ADAMTS2: variants seen among roughly 807,000 people sequenced by gnomAD.
ADAMTS2 encodes ADAM metallopeptidase with thrombospondin type 1 motif 2.
Under a neutral mutation model 123.0 loss-of-function variants are expected in ADAMTS2, and 50 were observed. That is an observed-to-expected ratio of 0.41 (90% CI 0.32 to 0.51). ADAMTS2 has a LOEUF of 0.51. ADAMTS2 is among the 20% of genes least tolerant of loss of function. ADAMTS2 has a pLI of 0.35. For missense variants in ADAMTS2, 1,494 were observed against 1,705.2 expected (o/e 0.88, Z 2.18); for synonymous variants, 678 against 695.4 (o/e 0.98, Z 0.39).
intron 4 of ADAMTS2, among the ~76,000 whole-genome samples, chr5:179,192,959 G>A (rs866439182): frequency 6.6e-6 from 1 of 152,174 alleles, no homozygotes; most frequent in Non-Finnish European, 1.5e-5. Flanking sequence ...TCAGCCGCAC[G>A]CGCCTTCTCC....
rs182049406 is a variant in ADAMTS2, at chr5:179,269,151, A to C, written c.688+3760T>G. On this transcript the variant is annotated intron_variant, in intron 3 of 21. Transcript: ENST00000251582. ...ATTGGCATGATGCAGCCACAAGCCA[A>C]GGGAGGCTGGCAGCCCCCAGGAGCG... Among the ~76,000 whole-genome samples, 16 of 152,296 alleles carry C rather than the reference A, an allele frequency of 1.1e-4. 1 individual carries two copies. Among genetic ancestry groups the C allele is most frequent in the Admixed American group, 9.8e-4 (15 of 15,298 alleles).
chr5:179,261,254 G>A (rs532456151), intron 3 of ADAMTS2, among the ~76,000 whole-genome samples: 54 of 152,162 alleles, frequency 3.5e-4, no homozygotes, highest in Non-Finnish European at 6.6e-4. Flanking sequence ...ACTCATCCTC[G>A]CCAGTAACCA....
intron 2 of ADAMTS2, among the ~76,000 whole-genome samples, chr5:179,322,502 G>A (rs1757214213): frequency 6.6e-6 from 1 of 152,170 alleles, no homozygotes; most frequent in Non-Finnish European, 1.5e-5. Flanking sequence ...AGCCACGCTG[G>A]GTCCTCCCGC....
Position 179,118,508 on chromosome 5 carries a change from T to C in ADAMTS2, c.3178+3153A>G, listed in dbSNP as rs569938968. ...ATAAACTTAAGTCACTGTAGGCTAC[T>C]CCCACGATCTTGGCTACACCTGAAC... On this transcript the variant is annotated intron_variant, in intron 21 of 21. Coordinates refer to ENST00000251582, the MANE Select transcript of ADAMTS2 (RefSeq NM_014244.5). The surrounding 1 kb of genome is among the most constrained non-coding windows in gnomAD (Gnocchi z 4.5). 6.6e-6 allele frequency among the ~76,000 whole-genome samples: 1 copy of C among 152,306 alleles called. No homozygotes were observed. The highest frequency in any genetic ancestry group is 1.5e-5 in the Non-Finnish European group (1 of 68,018).
At position 179,117,782 on chromosome 5, in the gene ADAMTS2, C is replaced by T. The variant is rs1762688715; in HGVS notation, c.3179-3458G>A. 6.6e-6 allele frequency among the ~76,000 whole-genome samples: 1 copy of T among 152,070 alleles called. No individual in the cohort carries two copies. Among genetic ancestry groups the T allele is most frequent in the Admixed American group, 6.5e-5 (1 of 15,268 alleles). On this transcript the variant is annotated intron_variant, in intron 21 of 21. Transcript: ENST00000251582. This position sits in a 1 kb window ranked among gnomAD's most constrained non-coding sequence, Gnocchi z 4.2. ...TGAACTCCTGACCTTGTGATCCATC[C>T]ACCTCAGCCTCCCAAAGTGCTGGGA...
chr5:179,236,875 G>C (rs1394915346), intron 3 of ADAMTS2, among the ~76,000 whole-genome samples: 2 of 152,314 alleles, frequency 1.3e-5, no homozygotes, highest in East Asian at 3.9e-4. Context: ...CTAATCCCCA[G>C]AGGGATGATT....
At chr5:179,230,966 G>A (rs1198136132) in intron 3 of ADAMTS2, among the ~76,000 whole-genome samples, 1 of 151,860 alleles carries the variant, frequency 6.6e-6, no homozygotes, top group Non-Finnish European at 1.5e-5. Flanking sequence ...AGCCGAGATC[G>A]TGCCACTGCA....
intron 1 of ADAMTS2, 42 bp from the exon 2 acceptor site, chr5:179,344,203 C>A: frequency 1.3e-6 from 2 of 1,543,698 alleles, no homozygotes; most frequent in Non-Finnish European, 8.7e-7. Flanking sequence ...GACCACGGAG[C>A]CCCAGTGCCT....
chr5:179,335,947 T>G (rs1207306822), intron 2 of ADAMTS2, among the ~76,000 whole-genome samples: 1 of 152,022 alleles, frequency 6.6e-6, no homozygotes, highest in Non-Finnish European at 1.5e-5. Flanking sequence ...CGTTTAGGGG[T>G]TTTCAAAGGA....
At chr5:179,298,492 C>T (rs570341091) in intron 2 of ADAMTS2, among the ~76,000 whole-genome samples, 46 of 152,312 alleles carry the variant, frequency 3.0e-4, no homozygotes, top group South Asian at 2.7e-3. Flanking sequence ...ACTGGCGCCC[C>T]GATCTCACAT....
At chr5:179,203,267 A>G (rs1208548690) in intron 4 of ADAMTS2, among the ~76,000 whole-genome samples, 2 of 152,198 alleles carry the variant, frequency 1.3e-5, no homozygotes, top group Non-Finnish European at 2.9e-5. Flanking sequence ...CATTCTCTGC[A>G]TCCAGTTCAG....
At chr5:179,277,266 C>A (rs1048518013) in intron 2 of ADAMTS2, among the ~76,000 whole-genome samples, 8 of 152,062 alleles carry the variant, frequency 5.3e-5, no homozygotes, top group Non-Finnish European at 7.4e-5. Context: ...GCGATGCGCA[C>A]AACGCATGCT....
chr5:179,121,554 T>G, intron 21 of ADAMTS2, 107 bp downstream of exon 21: 2 of 914,904 alleles, frequency 2.2e-6, no homozygotes, highest in East Asian at 2.8e-5. Flanking sequence ...GCCCGCAGAG[T>G]CAGGGGAGCT....
At chr5:179,126,255 G>T (rs774323738) in intron 17 of ADAMTS2, 125 bp from the exon 18 acceptor site, 67 of 1,392,954 alleles carry the variant, frequency 4.8e-5, no homozygotes, top group Non-Finnish European at 6.6e-5. Flanking sequence ...TGACAATAAG[G>T]GTGGGCAGGG....
intron 5 of ADAMTS2, 125 bp from the exon 6 acceptor site, chr5:179,159,004 C>T (rs1259000041): frequency 7.8e-7 from 1 of 1,279,580 alleles, no homozygotes; most frequent in Non-Finnish European, 1.1e-6. Context: ...GTACAAAGGC[C>T]CTGCCCGGTC....
chr5:179,213,100 C>T (rs995620362), intron 3 of ADAMTS2, among the ~76,000 whole-genome samples: 7 of 152,156 alleles, frequency 4.6e-5, no homozygotes, highest in South Asian at 2.1e-4. Context: ...GGACAGGGGC[C>T]GGGGCAGGGA....
Position 179,162,487 on chromosome 5 carries a change from G to A in ADAMTS2, c.976-3608C>T, listed in dbSNP as rs1019634546. ...GTCTCATCTGAAGGCTGTACCGGAG[G>A]CGGGTCAGCTCCCAGGCTCATTCAG... is the stretch of plus-strand genomic sequence containing the variant. On this transcript the variant is annotated intron_variant, in intron 5 of 21. Transcript: ENST00000251582. The surrounding 1 kb of genome is among the most constrained non-coding windows in gnomAD (Gnocchi z 5.1). 1.3e-5 allele frequency among the ~76,000 whole-genome samples: 2 copies of A among 152,178 alleles called. No homozygotes were observed. Among genetic ancestry groups the A allele is most frequent in the Non-Finnish European group, 2.9e-5 (2 of 68,028 alleles).
chr5:179,319,526 C>T (rs1757099288), intron 2 of ADAMTS2, among the ~76,000 whole-genome samples: 1 of 152,148 alleles, frequency 6.6e-6, no homozygotes, highest in African/African-American at 2.4e-5. Context: ...CGTGCTCACA[C>T]ATCAGCCACA....
intron 2 of ADAMTS2, among the ~76,000 whole-genome samples, chr5:179,298,945 C>T (rs1756420979): frequency 6.6e-6 from 1 of 152,092 alleles, no homozygotes. Flanking sequence ...AATCATAAAT[C>T]TTTTTAAAAT....
Sources: allele counts gnomAD v4.1 joint callset (sites outside exome capture counted in the v4.1 genomes callset), GRCh38; gene constraint gnomAD v4.1.1; non-coding constraint Gnocchi (gnomAD v3.1); transcripts MANE v1.5; gene names NCBI Gene and HGNC (gene_info 2026-07-23, HGNC 2026-07-21).